The following ACTL6A variants were observed in gnomAD, a reference collection of about 807,000 sequenced individuals.
The protein encoded by ACTL6A is actin-like protein 6A.
Under a neutral mutation model 59.2 loss-of-function variants are expected in ACTL6A, and 5 were observed. The ratio of observed to expected loss-of-function variants is 0.08; its 90% CI spans 0.04 to 0.18. ACTL6A has a LOEUF of 0.18. Among genes scored for constraint, ACTL6A ranks in the 10% least tolerant of loss-of-function variants. ACTL6A has a pLI of 1.00. For synonymous variants in ACTL6A, 154 were observed against 171.8 expected (o/e 0.90, Z 0.81); for missense variants, 285 against 526.9 (o/e 0.54, Z 4.49).
At chr3:179,583,653 TAATA>T in intron 12 of ACTL6A, 1 of 434,280 alleles carries the variant, frequency 2.3e-6, no homozygotes. Context: ...TCTCATTTAT[TAATA>T]TTTAAATATG....
Position 179,569,917 on chromosome 3 carries a change from A to G in ACTL6A, c.102+17A>G. The stretch of plus-strand genomic sequence containing the variant: ...TGCCCCAAGGTAAGTGTAATGTTAG[A>G]GTTAATTGGATATGTAAAGCCATTC... On this transcript the variant is annotated intron_variant, in intron 2 of 13. Transcript: ENST00000429709. 6.2e-7 allele frequency: 1 copy of G among 1,610,116 alleles called. No individual in the cohort carries two copies. Among genetic ancestry groups the G allele is most frequent in the South Asian group, 1.1e-5 (1 of 90,856 alleles).
intron 3 of ACTL6A, 50 bp from the exon 4 acceptor site, chr3:179,573,319 A>T: frequency 8.2e-7 from 1 of 1,217,540 alleles, no homozygotes; most frequent in Non-Finnish European, 1.2e-6. Context: ...AAGATGCTAT[A>T]TTCATCTTCA....
intron 1 of ACTL6A, among the ~76,000 whole-genome samples, chr3:179,564,947 A>G (rs1297783333): frequency 2.8e-5 from 4 of 141,386 alleles, no homozygotes; most frequent in Non-Finnish European, 4.5e-5. Context: ...CGGTCTTCCC[A>G]CCTCAGCCTC....
intron 1 of ACTL6A, among the ~76,000 whole-genome samples, chr3:179,567,087 C>T (rs994522408): frequency 1.3e-5 from 2 of 152,014 alleles, no homozygotes; most frequent in Admixed American, 6.6e-5. Context: ...CTGGTTTCAC[C>T]GGGCATGGTA....
intron 1 of ACTL6A, among the ~76,000 whole-genome samples, chr3:179,569,269 T>C (rs909352124): frequency 6.6e-6 from 1 of 152,230 alleles, no homozygotes; most frequent in African/African-American, 2.4e-5. Context: ...ATAACAGTTA[T>C]TTCTTCTTGT....
Position 179,570,309 on chromosome 3 carries a change from C to A in ACTL6A, c.277+68C>A. 7.4e-7 allele frequency: 1 copy of A among 1,355,700 alleles called. No individual in the cohort carries two copies. The highest frequency in any genetic ancestry group is 9.8e-7 in the Non-Finnish European group (1 of 1,020,514). The allele number at this position is 1,355,700 out of a possible 1,614,324, so 84.0% of individuals were successfully genotyped here. A position where few individuals can be genotyped will look rare whatever the true frequency, so the allele number is the denominator to read the frequency against. On this transcript the variant is annotated intron_variant, in intron 3 of 13. Transcript: ENST00000429709. This position sits in a 1 kb window ranked among gnomAD's most constrained non-coding sequence, Gnocchi z 4.3. ...TTATATTTTAGATACAAAGTAGTAG[C>A]TTCCTATAAGTTGAACATCAACCAT...
chr3:179,573,498 T>G (rs1239380015), intron 4 of ACTL6A, 29 bp downstream of exon 4: 4 of 1,440,390 alleles, frequency 2.8e-6, no homozygotes, highest in Non-Finnish European at 1.9e-6. Context: ...TTTTCACGTT[T>G]CTCTAGTTGT....
At chr3:179,573,594 G>GA in intron 4 of ACTL6A, 125 bp downstream of exon 4, 1 of 626,810 alleles carries the variant, frequency 1.6e-6, no homozygotes, top group Non-Finnish European at 2.6e-6. Context: ...TTCATATTTT[G>GA]AATTTGAAAA....
At chr3:179,571,426 AAAAAAC>A (rs1718004010) in intron 3 of ACTL6A, among the ~76,000 whole-genome samples, 1 of 52,196 alleles carries the variant, frequency 1.9e-5, no homozygotes, top group Non-Finnish European at 6.6e-5. Flanking sequence ...GTCTCAAAAA[AAAAAAC>A]AAAAAAAAAA....
chr3:179,588,260 T>C lies in ACTL6A; in HGVS notation c.*250T>C. The C allele has an allele frequency of 2.9e-6, 1 of 348,694 alleles. No individual in the cohort carries two copies. The highest frequency in any genetic ancestry group is 5.1e-6 in the Non-Finnish European group (1 of 197,584). The allele number at this position is 348,694 out of a possible 1,614,324, so 21.6% of individuals were successfully genotyped here. On this transcript the variant is annotated 3_prime_UTR_variant, in exon 14 of 14. Transcript: ENST00000429709. ...GTCTATTTTCTCTAAATATTTTGCT[T>C]TCAGTAAAATGCTTTCCAACTCTGT...
Position 179,576,325 on chromosome 3 carries a change from A to G in ACTL6A, c.571+14A>G. On this transcript the variant is annotated intron_variant, in intron 6 of 13. Transcript: ENST00000429709. The stretch of plus-strand genomic sequence containing the variant: ...TCCTTCAACAAGGTAAATGTATTTA[A>G]CCAGGATACACTGAGATGATTTTAG... The G allele has an allele frequency of 6.4e-7, 1 of 1,553,546 alleles. No homozygotes were observed. The highest frequency in any genetic ancestry group is 8.7e-7 in the Non-Finnish European group (1 of 1,146,668).
chr3:179,582,550 T>G (rs1038698246), intron 11 of ACTL6A, among the ~76,000 whole-genome samples: 3 of 152,230 alleles, frequency 2.0e-5, no homozygotes, highest in African/African-American at 7.2e-5. Context: ...TGTTCAGAGT[T>G]TATCATTGTC....
chr3:179,563,194 C>T, intron 1 of ACTL6A, 77 bp downstream of exon 1: 1 of 1,537,210 alleles, frequency 6.5e-7, no homozygotes, highest in Non-Finnish European at 8.8e-7. Context: ...CAGCCCTCCC[C>T]TCCCCGGCGT....
chr3:179,567,722 A>G (rs1717878824), intron 1 of ACTL6A, among the ~76,000 whole-genome samples: 1 of 152,210 alleles, frequency 6.6e-6, no homozygotes, highest in African/African-American at 2.4e-5. Flanking sequence ...TGTGGTGAAA[A>G]CAAATACAGT....
At position 179,581,777 on chromosome 3, in the gene ACTL6A, A is replaced by G. The variant is rs374095210; in HGVS notation, c.1026+557A>G. ...TTTAAATACTAACTCCATATTATAT[A>G]CTTCACTCATTATCAGTGATAGGTT... On this transcript the variant is annotated intron_variant, in intron 11 of 13. Coordinates refer to ENST00000429709, the MANE Select transcript of ACTL6A (RefSeq NM_004301.5). Among the ~76,000 whole-genome samples the G allele has an allele frequency of 4.6e-5, 7 of 152,332 alleles. No homozygotes were observed. In the East Asian group the frequency reaches 1.3e-3, roughly 29 times the overall value.
chr3:179,572,700 G>C, intron 3 of ACTL6A, among the ~76,000 whole-genome samples: 1 of 152,118 alleles, frequency 6.6e-6, no homozygotes, highest in Non-Finnish European at 1.5e-5. Flanking sequence ...AGCTACTCGG[G>C]AGCCTGAGGG....
At chr3:179,572,478 A>T (rs1210392702) in intron 3 of ACTL6A, among the ~76,000 whole-genome samples, 1 of 152,216 alleles carries the variant, frequency 6.6e-6, no homozygotes, top group African/African-American at 2.4e-5. Flanking sequence ...AGATGAGATT[A>T]AAAATGTTAA....
At chr3:179,563,656 C>T (rs1003376045) in intron 1 of ACTL6A, among the ~76,000 whole-genome samples, 2 of 152,250 alleles carry the variant, frequency 1.3e-5, no homozygotes, top group African/African-American at 4.8e-5. Context: ...TGCCTCCTCC[C>T]CGTCTGCGCC....
intron 5 of ACTL6A, among the ~76,000 whole-genome samples, chr3:179,575,689 A>G (rs1346325758): frequency 2.0e-5 from 3 of 152,178 alleles, no homozygotes; most frequent in Non-Finnish European, 2.9e-5. Context: ...ATCTGCCAAT[A>G]TTTACCAACT....
Sources: gnomAD v4.1 joint callset for allele counts (sites outside exome capture counted in the v4.1 genomes callset) on GRCh38, gnomAD v4.1.1 for gene constraint, Gnocchi (gnomAD v3.1) non-coding constraint, MANE v1.5 for transcripts, NCBI Gene and HGNC (gene_info 2026-07-23, HGNC 2026-07-21) for gene names.